DPP10: variants seen among roughly 807,000 people sequenced by gnomAD.
The protein encoded by DPP10 is inactive dipeptidyl peptidase 10.
In DPP10, 33 loss-of-function variants were observed where a neutral mutation model predicts 120.9. The ratio of observed to expected loss-of-function variants is 0.27; its 90% CI spans 0.21 to 0.37. The LOEUF (loss-of-function observed/expected upper bound fraction) is 0.37. Among genes scored for constraint, DPP10 ranks in the 10% least tolerant of loss-of-function variants. The pLI, the probability that DPP10 is intolerant of heterozygous loss-of-function variation, is 1.00. For synonymous variants in DPP10, 337 were observed against 326.1 expected, an observed-to-expected ratio of 1.03 and a Z score of -0.36; for missense variants, 816 against 942.8, an observed-to-expected ratio of 0.87 and a Z score of 1.76.
intron 3 of DPP10, among the ~76,000 whole-genome samples, chr2:115,459,104 G>A (rs1199859945): frequency 6.6e-6 from 1 of 151,872 alleles, no homozygotes; most frequent in Admixed American, 6.6e-5. Context: ...GGTGATTTGG[G>A]TGGACTTAAC....
chr2:115,217,267 G>T (rs555059675), intron 1 of DPP10, among the ~76,000 whole-genome samples: 1 of 152,192 alleles, frequency 6.6e-6, no homozygotes, highest in Non-Finnish European at 1.5e-5. Flanking sequence ...ATCTGTAAAA[G>T]GATTAAATAA....
intron 1 of DPP10, among the ~76,000 whole-genome samples, chr2:114,624,501 G>T (rs1165142196): frequency 6.6e-6 from 1 of 151,852 alleles, no homozygotes; most frequent in Admixed American, 6.6e-5. Context: ...GAAGCACCTG[G>T]CTTCAAACCC....
At chr2:115,783,767 T>C (rs1178857781) in intron 17 of DPP10, among the ~76,000 whole-genome samples, 15 of 152,002 alleles carry the variant, frequency 9.9e-5, no homozygotes, top group Non-Finnish European at 1.9e-4. Flanking sequence ...GGAAAGAAGG[T>C]TGAATCTCAT....
At chr2:115,685,664 A>G (rs1017540872) in intron 5 of DPP10, among the ~76,000 whole-genome samples, 6 of 152,080 alleles carry the variant, frequency 3.9e-5, no homozygotes, top group African/African-American at 1.4e-4. Context: ...TCTTATTTTA[A>G]AAAACTTTAT....
chr2:115,063,159 T>C (rs909839592), intron 1 of DPP10, among the ~76,000 whole-genome samples: 26 of 152,232 alleles, frequency 1.7e-4, no homozygotes, highest in Non-Finnish European at 2.6e-4. Context: ...GAGCTTTTCT[T>C]CATATGTTTG....
intron 1 of DPP10, among the ~76,000 whole-genome samples, chr2:114,747,205 A>C (rs758790642): frequency 3.9e-5 from 6 of 152,140 alleles, no homozygotes; most frequent in Non-Finnish European, 8.8e-5. Context: ...AGTCACACAC[A>C]CAGTATTATT....
chr2:115,775,101 A>C (rs1213774652), intron 13 of DPP10, among the ~76,000 whole-genome samples: 1 of 152,238 alleles, frequency 6.6e-6, no homozygotes, highest in Non-Finnish European at 1.5e-5. Context: ...GAAAATATGC[A>C]ATACATATAA....
At chr2:115,803,945 T>A (rs1042349832) in intron 19 of DPP10, among the ~76,000 whole-genome samples, 1 of 152,148 alleles carries the variant, frequency 6.6e-6, no homozygotes, top group East Asian at 1.9e-4. Context: ...CTTTGTGGCA[T>A]TCTCTGTATT....
intron 1 of DPP10, among the ~76,000 whole-genome samples, chr2:115,265,282 T>C (rs2059413781): frequency 6.6e-6 from 1 of 150,492 alleles, no homozygotes; most frequent in Admixed American, 6.6e-5. Flanking sequence ...TATATATATA[T>C]ATATATATAT....
At chr2:115,095,567 C>A (rs1709651280) in intron 1 of DPP10, among the ~76,000 whole-genome samples, 1 of 133,720 alleles carries the variant, frequency 7.5e-6, no homozygotes, top group Admixed American at 8.0e-5. Context: ...TTCTGCAATT[C>A]TGTTTGGTTT....
intron 1 of DPP10, among the ~76,000 whole-genome samples, chr2:114,727,727 G>T (rs1428262068): frequency 2.6e-5 from 4 of 152,132 alleles, no homozygotes; most frequent in Admixed American, 6.5e-5. Flanking sequence ...GTGTAGTAAA[G>T]AACTCCTATA....
At chr2:115,630,447 A>G (rs746215213) in intron 5 of DPP10, among the ~76,000 whole-genome samples, 5 of 152,146 alleles carry the variant, frequency 3.3e-5, no homozygotes, top group Non-Finnish European at 7.3e-5. Context: ...ACTATGTTAA[A>G]TAGTAGTTGT....
At chr2:115,181,561 C>T (rs2054080551) in intron 1 of DPP10, among the ~76,000 whole-genome samples, 1 of 152,210 alleles carries the variant, frequency 6.6e-6, no homozygotes, top group South Asian at 2.1e-4. Flanking sequence ...CATCTCTTAC[C>T]AGGAAGTTGC....
At chr2:114,724,535 C>T (rs926340000) in intron 1 of DPP10, among the ~76,000 whole-genome samples, 1 of 152,146 alleles carries the variant, frequency 6.6e-6, no homozygotes, top group Non-Finnish European at 1.5e-5. Flanking sequence ...CATACATACT[C>T]AGCCGGTTTG....
intron 1 of DPP10, chr2:114,462,126 A>T: frequency 1.0e-6 from 1 of 985,412 alleles, no homozygotes; most frequent in East Asian, 1.1e-4. Context: ...ATGAAACATT[A>T]TCCCGTAACA....
intron 1 of DPP10, among the ~76,000 whole-genome samples, chr2:114,682,594 A>ATTATTC (rs1347046997): frequency 1.3e-4 from 19 of 151,462 alleles, no homozygotes; most frequent in Non-Finnish European, 5.9e-5. Context: ...TATTATTATT[A>ATTATTC]TTAGGCTTTT....
At chr2:114,545,089 A>G (rs933931968) in intron 1 of DPP10, among the ~76,000 whole-genome samples, 2 of 152,120 alleles carry the variant, frequency 1.3e-5, no homozygotes, top group African/African-American at 2.4e-5. Context: ...TGACCTCGTG[A>G]TCCGCCCACT....
At chr2:114,819,986 T>G (rs2106352996) in intron 1 of DPP10, among the ~76,000 whole-genome samples, 1 of 152,370 alleles carries the variant, frequency 6.6e-6, no homozygotes, top group African/African-American at 2.4e-5. Flanking sequence ...CTATGAATTA[T>G]ACAGGTATGC....
chr2:114,501,795 T>C (rs1683206577), intron 1 of DPP10, among the ~76,000 whole-genome samples: 2 of 152,116 alleles, frequency 1.3e-5, no homozygotes, highest in African/African-American at 4.8e-5. Context: ...TGTCATATGA[T>C]AAAATATTAC....
Sources: gnomAD v4.1 joint callset for allele counts (sites outside exome capture counted in the v4.1 genomes callset) on GRCh38, gnomAD v4.1.1 for gene constraint, MANE v1.5 for transcripts, NCBI Gene and HGNC (gene_info 2026-07-23, HGNC 2026-07-21) for gene names.